Variants in TRAPPC10 observed in about 807,000 individuals in gnomAD.
TRAPPC10 encodes trafficking protein particle complex subunit 10.
Under a neutral mutation model 125.5 loss-of-function variants are expected in TRAPPC10, and 23 were observed. The ratio of observed to expected loss-of-function variants is 0.18; its 90% CI spans 0.13 to 0.26. The LOEUF (loss-of-function observed/expected upper bound fraction) is 0.26, where lower values mean the gene tolerates loss of function less well. Ranked by LOEUF, TRAPPC10 falls within the 10% of genes least tolerant of loss-of-function variation. The pLI is 1.00. For missense variants in TRAPPC10, 1,123 were observed against 1,308.4 expected (o/e 0.86, Z 2.19); for synonymous variants, 509 against 518.0 (o/e 0.98, Z 0.24).
At chr21:44,070,898 G>A (rs571479751) in intron 7 of TRAPPC10, among the ~76,000 whole-genome samples, 4 of 152,252 alleles carry the variant, frequency 2.6e-5, no homozygotes, top group South Asian at 2.1e-4. Context: ...GGGCGTCTTC[G>A]GACCCTGAGA....
chr21:44,052,842 T>TA (rs1056590143), intron 4 of TRAPPC10, among the ~76,000 whole-genome samples: 3 of 152,100 alleles, frequency 2.0e-5, no homozygotes, highest in African/African-American at 7.2e-5. Context: ...TTCTTTACCT[T>TA]AACACCTGAG....
chr21:44,091,779 AG>A, intron 18 of TRAPPC10, 143 bp from the exon 19 acceptor site: 1 of 804,402 alleles, frequency 1.2e-6, no homozygotes. Context: ...TGAAATCTGA[AG>A]GGAAACTTAT....
At chr21:44,034,501 G>A (rs778319673) in intron 2 of TRAPPC10, among the ~76,000 whole-genome samples, 2 of 152,162 alleles carry the variant, frequency 1.3e-5, no homozygotes, top group Non-Finnish European at 2.9e-5. Flanking sequence ...CGGGAACTCT[G>A]TAGCCAGATC....
chr21:44,029,493 A>G lies in TRAPPC10; in HGVS notation c.68-2598A>G, dbSNP rs931989014. On this transcript the variant is annotated intron_variant, in intron 1 of 22. Coordinates refer to ENST00000291574, the MANE Select transcript of TRAPPC10 (RefSeq NM_003274.5). Reference sequence around the variant, plus strand: ...TGTGAAGATTTAAGAGTTTATTAAAATAATGGTTGTATATGCTGAGAAAAT... The same window carrying G: ...TGTGAAGATTTAAGAGTTTATTAAAGTAATGGTTGTATATGCTGAGAAAAT... Among the ~76,000 whole-genome samples, 8 of 152,380 alleles carry G rather than the reference A, an allele frequency of 5.3e-5. No homozygotes were observed. The East Asian group carries it at 5.8e-4, about 11-fold the overall frequency.
intron 7 of TRAPPC10, among the ~76,000 whole-genome samples, chr21:44,065,107 A>G (rs1055261267): frequency 2.0e-5 from 3 of 152,208 alleles, no homozygotes; most frequent in East Asian, 1.9e-4. Flanking sequence ...GGAGGGGGGA[A>G]AATTGAAGTA....
At chr21:44,019,384 C>G (rs1400224968) in intron 1 of TRAPPC10, among the ~76,000 whole-genome samples, 3 of 152,174 alleles carry the variant, frequency 2.0e-5, no homozygotes, top group African/African-American at 7.2e-5. Flanking sequence ...AACATTCCCA[C>G]CTCAGTGCCT....
At chr21:44,073,779 C>G (rs1350099416) in intron 7 of TRAPPC10, among the ~76,000 whole-genome samples, 1 of 152,116 alleles carries the variant, frequency 6.6e-6, no homozygotes. Context: ...GTCTTTATCA[C>G]GCCTGAAGAG....
chr21:44,022,918 G>A (rs1490611086), intron 1 of TRAPPC10, among the ~76,000 whole-genome samples: 1 of 151,720 alleles, frequency 6.6e-6, no homozygotes, highest in Non-Finnish European at 1.5e-5. Context: ...CTTCCAGCAG[G>A]TGCGTGATGT....
chr21:44,080,240 G>A, intron 13 of TRAPPC10, 113 bp downstream of exon 13: 1 of 920,582 alleles, frequency 1.1e-6, no homozygotes, highest in Non-Finnish European at 1.7e-6. Flanking sequence ...ATTTTGCTGT[G>A]TAGCTGACAT....
At chr21:44,049,348 C>T (rs537411093) in intron 3 of TRAPPC10, among the ~76,000 whole-genome samples, 2 of 152,302 alleles carry the variant, frequency 1.3e-5, no homozygotes, top group South Asian at 2.1e-4. Context: ...CACTGGTTCT[C>T]CTCTGTGTTT....
At chr21:44,065,324 G>C (rs1189956820) in intron 7 of TRAPPC10, among the ~76,000 whole-genome samples, 1 of 152,198 alleles carries the variant, frequency 6.6e-6, no homozygotes. Flanking sequence ...GTGCTCGTCT[G>C]CAGGGCCGGG....
chr21:44,038,204 G>A lies in TRAPPC10; in HGVS notation c.285+277G>A, dbSNP rs1180214573. 3.3e-5 allele frequency among the ~76,000 whole-genome samples: 5 copies of A among 152,154 alleles called. No individual in the cohort carries two copies. The East Asian group carries it at 5.8e-4, about 18-fold the overall frequency. On this transcript the variant is annotated intron_variant, in intron 3 of 22. Transcript: ENST00000291574. ...GTCCCTTCATTCCTTGGCCAAGTGC[G>A]GGACTTGCTGTTGCGTGTTTGCGCC...
chr21:44,087,733 C>A lies in TRAPPC10; in HGVS notation c.2574C>A (p.Ser858=), dbSNP rs375344711. 1.5e-4 allele frequency: 236 copies of A among 1,614,108 alleles called. 2 individuals carry two copies. Among genetic ancestry groups the A allele is most frequent in the South Asian group, 1.4e-3 (128 of 91,088 alleles). Reference sequence around the variant, plus strand: ...CTGAGGCCGCGCTCCGGATTCAGTCCTCCGACAAGGTCACGAGCATCAGTC... The same window carrying A: ...CTGAGGCCGCGCTCCGGATTCAGTCATCCGACAAGGTCACGAGCATCAGTC... ...QSSEAALRIQ[S]SDKVTSISLP... is the part of the protein sequence containing the mutation. The change falls in exon 17 of 23, where the codon TCC becomes TCA. Residue 858 remains serine, a synonymous_variant. Coordinates refer to ENST00000291574, the MANE Select transcript of TRAPPC10 (RefSeq NM_003274.5). The surrounding 1 kb of genome is among the most constrained non-coding windows in gnomAD (Gnocchi z 4.6).
At chr21:44,049,287 G>C (rs1296402668) in intron 3 of TRAPPC10, among the ~76,000 whole-genome samples, 1 of 152,192 alleles carries the variant, frequency 6.6e-6, no homozygotes, top group Non-Finnish European at 1.5e-5. Context: ...GGTGATCCTG[G>C]TTTCCTCCCT....
chr21:44,072,272 G>A (rs1230365478), intron 7 of TRAPPC10, among the ~76,000 whole-genome samples: 2 of 152,194 alleles, frequency 1.3e-5, no homozygotes, highest in African/African-American at 2.4e-5. Context: ...TGTTCCCTGC[G>A]GACTCAGTTC....
chr21:44,031,608 A>G (rs1243144810), intron 1 of TRAPPC10, among the ~76,000 whole-genome samples: 1 of 152,214 alleles, frequency 6.6e-6, no homozygotes, highest in African/African-American at 2.4e-5. Flanking sequence ...GGTGCCTGGC[A>G]GGTGCCTTGT....
At chr21:44,062,061 A>T (rs1485219383) in intron 6 of TRAPPC10, among the ~76,000 whole-genome samples, 1 of 152,218 alleles carries the variant, frequency 6.6e-6, no homozygotes, top group Non-Finnish European at 1.5e-5. Flanking sequence ...CAGGCACCTG[A>T]ATGGATGTCA....
At chr21:44,084,081 C>T in intron 14 of TRAPPC10, 41 bp from the exon 15 acceptor site, 1 of 1,611,512 alleles carries the variant, frequency 6.2e-7, no homozygotes, top group South Asian at 1.1e-5. Context: ...AACTGCAAAA[C>T]TGGGTGACGT....
chr21:44,060,522 C>T (rs571045612), intron 6 of TRAPPC10, among the ~76,000 whole-genome samples: 19 of 152,054 alleles, frequency 1.2e-4, no homozygotes, highest in African/African-American at 3.9e-4. Flanking sequence ...CCTCGTGATC[C>T]GCCTCAGCCT....
Sources: allele counts gnomAD v4.1 joint callset (sites outside exome capture counted in the v4.1 genomes callset), GRCh38; gene constraint gnomAD v4.1.1; non-coding constraint Gnocchi (gnomAD v3.1); transcripts MANE v1.5; gene names NCBI Gene and HGNC (gene_info 2026-07-23, HGNC 2026-07-21).